The following SLC24A3 variants were observed in gnomAD, a reference collection of about 807,000 sequenced individuals.
The protein encoded by SLC24A3 is solute carrier family 24 member 3.
A neutral mutation model predicts 75.8 loss-of-function variants in SLC24A3; 28 were observed. That is an observed-to-expected ratio of 0.37 (90% CI 0.27 to 0.51). The LOEUF (loss-of-function observed/expected upper bound fraction) is 0.51. Among genes scored for constraint, SLC24A3 ranks in the 20% least tolerant of loss-of-function variants. The pLI is 0.94. For synonymous variants in SLC24A3, 372 were observed against 334.1 expected (o/e 1.11, Z -1.24); for missense variants, 663 against 847.8 (o/e 0.78, Z 2.71).
rs756449966 is a variant in SLC24A3 at position 19,515,876 on chromosome 20, C to G, written c.348+312C>G. Among the ~76,000 whole-genome samples the G allele has an allele frequency of 1.4e-4, 22 of 152,322 alleles. 1 individual carries two copies. Among genetic ancestry groups the G allele is most frequent in the Admixed American group, 7.2e-4 (11 of 15,306 alleles). On this transcript the variant is annotated intron_variant, in intron 3 of 16. Transcript: ENST00000328041. Reference sequence around the variant, plus strand: ...CTCAAACACCACCCTCTTGGGGAGCCCTTTCCTAACTGGCCTTTCTGAAAT... The same window carrying G: ...CTCAAACACCACCCTCTTGGGGAGCGCTTTCCTAACTGGCCTTTCTGAAAT...
rs143146156 is a variant in SLC24A3 at position 19,685,250 on chromosome 20, G to A, written c.1213G>A (p.Ala405Thr). ...VNGTRRDDVVAEAGNETENEN... is the reference protein window; with the variant it reads ...VNGTRRDDVVTEAGNETENEN... ...TGGGACACGGAGGGACGATGTTGTG[G>A]CTGAGGCTGGCAACGAAACAGAGAA... The change falls in exon 12 of 17, where the codon GCT becomes ACT. Residue 405 changes from alanine (A) to threonine (T), a missense_variant. Ala to Thr is a moderately conservative substitution (Grantham distance 58). Transcript: ENST00000328041. 52 of 1,614,032 alleles carry A rather than the reference G, an allele frequency of 3.2e-5. No homozygotes were observed. In the African/African-American group the frequency reaches 6.7e-4, roughly 21 times the overall value.
intron 3 of SLC24A3, among the ~76,000 whole-genome samples, chr20:19,560,709 T>A (rs2030861114): frequency 6.6e-6 from 1 of 152,194 alleles, no homozygotes; most frequent in Non-Finnish European, 1.5e-5. Flanking sequence ...CATTAAATAA[T>A]GCTTTCTTTA....
intron 1 of SLC24A3, among the ~76,000 whole-genome samples, chr20:19,217,740 C>CT (rs1408746385): frequency 6.6e-6 from 1 of 152,118 alleles, no homozygotes; most frequent in Admixed American, 6.5e-5. Context: ...CATCCCCACT[C>CT]TGGTTTTTCC....
chr20:19,714,308 G>A (rs890213998), intron 15 of SLC24A3, among the ~76,000 whole-genome samples: 4 of 150,518 alleles, frequency 2.7e-5, no homozygotes, highest in Non-Finnish European at 5.9e-5. Flanking sequence ...GGGAGGCTAA[G>A]GCAGGAGGAT....
chr20:19,641,602 A>AT (rs1163279076), intron 6 of SLC24A3, among the ~76,000 whole-genome samples: 2 of 151,962 alleles, frequency 1.3e-5, no homozygotes, highest in African/African-American at 4.8e-5. Flanking sequence ...GGTATTTCTC[A>AT]TTTTTTATTG....
At chr20:19,292,022 G>A (rs1371137162) in intron 2 of SLC24A3, among the ~76,000 whole-genome samples, 1 of 152,206 alleles carries the variant, frequency 6.6e-6, no homozygotes, top group East Asian at 1.9e-4. Flanking sequence ...TTTTGTAATT[G>A]TAGGTACTTC....
chr20:19,341,244 CTTATTCAGAAGT>C (rs1985266471), intron 2 of SLC24A3, among the ~76,000 whole-genome samples: 1 of 152,222 alleles, frequency 6.6e-6, no homozygotes, highest in South Asian at 2.1e-4. Context: ...GAGAGGTTAG[CTTATTCAGAAGT>C]TCTCAGGGGC....
chr20:19,598,410 A>C (rs2031478394), intron 6 of SLC24A3, among the ~76,000 whole-genome samples: 1 of 152,142 alleles, frequency 6.6e-6, no homozygotes, highest in South Asian at 2.1e-4. Flanking sequence ...CTGGCAAAGT[A>C]AGATTGTGTT....
chr20:19,365,084 G>A (rs1600449839), intron 2 of SLC24A3, among the ~76,000 whole-genome samples: 1 of 152,116 alleles, frequency 6.6e-6, no homozygotes, highest in East Asian at 1.9e-4. Context: ...CCATGCAGCT[G>A]TGCCAGGATG....
intron 2 of SLC24A3, among the ~76,000 whole-genome samples, chr20:19,324,696 A>G (rs778807303): frequency 6.6e-6 from 1 of 152,216 alleles, no homozygotes; most frequent in African/African-American, 2.4e-5. Context: ...TGTCTATAGA[A>G]TACCAATTAT....
intron 8 of SLC24A3, among the ~76,000 whole-genome samples, chr20:19,669,170 TC>T (rs2032435230): frequency 6.6e-6 from 1 of 152,142 alleles, no homozygotes; most frequent in Admixed American, 6.5e-5. Flanking sequence ...TGGTGAGTGC[TC>T]TTCGGTTAGG....
At chr20:19,632,248 C>A (rs2031943130) in intron 6 of SLC24A3, among the ~76,000 whole-genome samples, 1 of 152,310 alleles carries the variant, frequency 6.6e-6, no homozygotes, top group South Asian at 2.1e-4. Context: ...TCACCTCTAT[C>A]ACAAATTACC....
chr20:19,298,430 C>G (rs1025962500), intron 2 of SLC24A3, among the ~76,000 whole-genome samples: 7 of 152,108 alleles, frequency 4.6e-5, no homozygotes, highest in African/African-American at 1.7e-4. Context: ...CAGTGGCACA[C>G]CCTTGGTGAT....
intron 10 of SLC24A3, among the ~76,000 whole-genome samples, chr20:19,682,369 AGCTG>A (rs1452321883): frequency 6.6e-6 from 1 of 152,240 alleles, no homozygotes; most frequent in African/African-American, 2.4e-5. Flanking sequence ...GGCATGTCCC[AGCTG>A]GCCTTGAGAG....
chr20:19,467,400 A>G (rs1987784890), intron 2 of SLC24A3, among the ~76,000 whole-genome samples: 1 of 152,234 alleles, frequency 6.6e-6, no homozygotes, highest in South Asian at 2.1e-4. Flanking sequence ...GTACATATAA[A>G]GAATAGATTT....
chr20:19,563,612 G>A (rs368474177), intron 3 of SLC24A3, among the ~76,000 whole-genome samples: 16 of 152,262 alleles, frequency 1.1e-4, no homozygotes, highest in South Asian at 4.2e-4. Flanking sequence ...GCCTGCTGGC[G>A]TCCTGTGTCT....
intron 1 of SLC24A3, among the ~76,000 whole-genome samples, chr20:19,228,661 G>A (rs6045923): frequency 0.36 from 54,821 of 151,396 alleles, 11,119 homozygotes; most frequent in Middle Eastern, 0.48. Flanking sequence ...AAAAAAATTA[G>A]CCATGGATGT....
Position 19,476,026 on chromosome 20 carries a change from G to A in SLC24A3, c.272-39462G>A, listed in dbSNP as rs143403850. 1.8e-3 allele frequency among the ~76,000 whole-genome samples: 271 copies of A among 152,282 alleles called. 1 individual carries two copies. The highest frequency in any genetic ancestry group is 6.2e-3 in the African/African-American group (257 of 41,548). ...GAAGGACAGTTTAGCAAAGCATGTGGGAAAATAGGCAAATGACTTGGGAAA... is the reference window on the plus strand; with the variant it reads ...GAAGGACAGTTTAGCAAAGCATGTGAGAAAATAGGCAAATGACTTGGGAAA... On this transcript the variant is annotated intron_variant, in intron 2 of 16. Transcript: ENST00000328041.
In SLC24A3 at chr20:19,681,890, G is replaced by A. The variant is rs774923671; in HGVS notation, c.800G>A (p.Arg267Lys). The A allele has an allele frequency of 3.7e-6, 6 of 1,614,142 alleles. No homozygotes were observed. The highest frequency in any genetic ancestry group is 3.3e-5 in the South Asian group (3 of 91,076). Residue 267 changes from arginine to lysine, a missense_variant, in exon 10 of 17, where the codon AGG (arginine) becomes AAG (lysine). This residue lies in a region of SLC24A3 where 510 missense variants were observed against 703.6 expected (regional missense o/e 0.72). Coordinates refer to ENST00000328041, the MANE Select transcript of SLC24A3 (RefSeq NM_020689.4). The stretch of plus-strand genomic sequence containing the variant: ...GCTTGCATACATCAGTGCTTTGAGA[G>A]GAGGACAAAAGGTGCCGGGAACATG... ...YNACIHQCFE[R>K]RTKGAGNMVN... is the part of the protein sequence containing the mutation.
Sources: gnomAD v4.1 joint callset for allele counts (sites outside exome capture counted in the v4.1 genomes callset) on GRCh38, gnomAD v4.1.1 for gene constraint, gnomAD v4.1.1 regional missense constraint, MANE v1.5 for transcripts, NCBI Gene and HGNC (gene_info 2026-07-23, HGNC 2026-07-21) for gene names.